ASB15: variants seen among roughly 807,000 people sequenced by gnomAD.
ASB15 encodes the protein ankyrin repeat and SOCS box protein 15.
ASB15 carries 54 observed loss-of-function variants against 58.0 expected under a neutral mutation model. That is an observed-to-expected ratio of 0.93 (90% confidence interval 0.75 to 1.17). ASB15 has a LOEUF of 1.17. Ranked by LOEUF, ASB15 falls within the 50% of genes most tolerant of loss-of-function variation. ASB15 has a pLI of 0.00. For synonymous variants in ASB15, 249 were observed against 262.4 expected (o/e 0.95, Z 0.50); for missense variants, 680 against 707.4 (o/e 0.96, Z 0.44).
In ASB15 at chr7:123,637,004, TAAAAA is replaced by T; in HGVS notation, c.*27_*31del. 1 of 1,447,530 alleles carries T rather than the reference TAAAAA, an allele frequency of 6.9e-7. No individual in the cohort carries two copies. Among genetic ancestry groups the T allele is most frequent in the Non-Finnish European group, 9.5e-7 (1 of 1,054,064 alleles). 89.7% of individuals were successfully genotyped at this position (1,447,530 alleles called of 1,614,324 possible). A position where few individuals can be genotyped will look rare whatever the true frequency, so the allele number is the denominator to read the frequency against. The stretch of plus-strand genomic sequence containing the variant: ...TAACTTAATATTTTAAAATGTGATT[TAAAAA>T]AAATGTTGAAATGTGATTCCCTCAG... On this transcript the variant is annotated 3_prime_UTR_variant, in exon 12 of 12. Coordinates refer to ENST00000451215, the MANE Select transcript of ASB15 (RefSeq NM_001290258.2).
chr7:123,619,770 A>G (rs1229046224), intron 7 of ASB15, among the ~76,000 whole-genome samples: 1 of 151,970 alleles, frequency 6.6e-6, no homozygotes, highest in Non-Finnish European at 1.5e-5. Flanking sequence ...TGATCAGCCC[A>G]CCTCAGCCTC....
In ASB15 at chr7:123,604,152, C is replaced by T. The variant is rs1800019775; in HGVS notation, c.-124C>T. ...CTTCCTGGGGGATATTAACAGGGCT[C>T]CTGTGTTGCAGAGGAACACTACTTT... On this transcript the variant is annotated 5_prime_UTR_variant, in exon 2 of 12. Coordinates refer to ENST00000451215, the MANE Select transcript of ASB15 (RefSeq NM_001290258.2). 6.6e-6 allele frequency: 1 copy of T among 152,128 alleles called. No homozygotes were observed. The highest frequency in any genetic ancestry group is 2.1e-4 in the South Asian group (1 of 4,818). The allele number at this position is 152,128 out of a possible 1,614,324, so 9.4% of individuals were successfully genotyped here. A position where few individuals can be genotyped will look rare whatever the true frequency, so the allele number is the denominator to read the frequency against.
chr7:123,614,298 G>C lies in ASB15; in HGVS notation c.-2-203G>C, dbSNP rs1584777762. 7 of 468,546 alleles carry C rather than the reference G, an allele frequency of 1.5e-5. No individual in the cohort carries two copies. The East Asian group carries it at 2.7e-4, about 18-fold the overall frequency. The allele number at this position is 468,546 out of a possible 1,614,324, so 29.0% of individuals were successfully genotyped here. A position where few individuals can be genotyped will look rare whatever the true frequency, so the allele number is the denominator to read the frequency against. ...ATGCTCAAAGGGCAGGTCATTAAAG[G>C]TTTCAACAGTTAGACCATTTAAGTT... On this transcript the variant is annotated intron_variant, in intron 3 of 11. Coordinates refer to ENST00000451215, the MANE Select transcript of ASB15 (RefSeq NM_001290258.2).
intron 3 of ASB15, chr7:123,612,227 C>A (rs941868281): frequency 6.6e-6 from 1 of 152,190 alleles, no homozygotes; most frequent in Non-Finnish European, 1.5e-5. Context: ...TGCTGGCTGA[C>A]AGATTCAGTA....
At chr7:123,576,388 A>C (rs976315549) in intron 1 of ASB15, among the ~76,000 whole-genome samples, 1 of 151,864 alleles carries the variant, frequency 6.6e-6, no homozygotes, top group South Asian at 2.1e-4. Context: ...CATAATTTTC[A>C]TCTGTTCAAT....
At chr7:123,611,757 C>T (rs1800475328) in intron 3 of ASB15, among the ~76,000 whole-genome samples, 1 of 152,026 alleles carries the variant, frequency 6.6e-6, no homozygotes, top group Non-Finnish European at 1.5e-5. Flanking sequence ...GTCTTTAAGT[C>T]CATTCCAGTA....
intron 2 of ASB15, among the ~76,000 whole-genome samples, chr7:123,606,878 T>G (rs1200871415): frequency 6.6e-6 from 1 of 152,224 alleles, no homozygotes; most frequent in Non-Finnish European, 1.5e-5. Flanking sequence ...TGTTTCTATA[T>G]CTTGGCTGCC....
At chr7:123,578,642 T>C (rs1799137359) in intron 1 of ASB15, among the ~76,000 whole-genome samples, 1 of 152,098 alleles carries the variant, frequency 6.6e-6, no homozygotes, top group South Asian at 2.1e-4. Flanking sequence ...ATATCTGAGC[T>C]AATGAGAGAG....
chr7:123,593,791 C>T (rs560963486), intron 1 of ASB15, among the ~76,000 whole-genome samples: 2 of 152,110 alleles, frequency 1.3e-5, no homozygotes, highest in Admixed American at 6.5e-5. Context: ...AGCTTTGTGG[C>T]GTTCTCTGTA....
intron 1 of ASB15, among the ~76,000 whole-genome samples, chr7:123,580,439 C>T (rs1799194866): frequency 2.0e-5 from 3 of 152,018 alleles, no homozygotes; most frequent in South Asian, 2.1e-4. Context: ...AGCCACTTGA[C>T]CAAAAACTGC....
intron 1 of ASB15, among the ~76,000 whole-genome samples, chr7:123,575,646 T>G (rs1799043009): frequency 2.0e-5 from 3 of 152,088 alleles, no homozygotes; most frequent in African/African-American, 7.2e-5. Flanking sequence ...GTTGTAACAA[T>G]ATGTTTGTAA....
At chr7:123,601,552 T>C (rs1465484669), upstream of ASB15, among the ~76,000 whole-genome samples, 1 of 152,194 alleles carries the variant, frequency 6.6e-6, no homozygotes, top group African/African-American at 2.4e-5. Flanking sequence ...CAAATACCTT[T>C]AAATTGTGCG....
intron 1 of ASB15, among the ~76,000 whole-genome samples, chr7:123,583,677 G>A (rs1263943578): frequency 6.6e-6 from 1 of 151,924 alleles, no homozygotes; most frequent in Non-Finnish European, 1.5e-5. Flanking sequence ...CAGGAAAGAG[G>A]AGTAACATTC....
At chr7:123,602,282 A>G (rs566817682) in intron 1 of ASB15, among the ~76,000 whole-genome samples, 1 of 152,190 alleles carries the variant, frequency 6.6e-6, no homozygotes, top group African/African-American at 2.4e-5. Flanking sequence ...TTTGTGAATA[A>G]ATAAAATAAA....
intron 11 of ASB15, among the ~76,000 whole-genome samples, chr7:123,635,175 C>T (rs1802353001): frequency 6.6e-6 from 1 of 152,084 alleles, no homozygotes; most frequent in African/African-American, 2.4e-5. Flanking sequence ...AAGTGATTAC[C>T]ATTCAGAATA....
chr7:123,570,822 C>A (rs1156472409), intron 1 of ASB15, among the ~76,000 whole-genome samples: 1 of 152,110 alleles, frequency 6.6e-6, no homozygotes, highest in Non-Finnish European at 1.5e-5. Context: ...TTATATAGTT[C>A]TTTTTCTAAC....
upstream of ASB15, chr7:123,598,769 C>T (rs1317936780): frequency 6.6e-6 from 1 of 152,174 alleles, no homozygotes; most frequent in African/African-American, 2.4e-5. Context: ...TATAGTGCTA[C>T]CTTACTAAAA....
At chr7:123,624,978 C>G in intron 8 of ASB15, 164 bp downstream of exon 8, 1 of 779,510 alleles carries the variant, frequency 1.3e-6, no homozygotes, top group East Asian at 2.8e-5. Flanking sequence ...TCAGTAGACC[C>G]TTATTCTACA....
At chr7:123,628,600 G>C (rs1238036181) in intron 9 of ASB15, among the ~76,000 whole-genome samples, 1 of 152,090 alleles carries the variant, frequency 6.6e-6, no homozygotes, top group Non-Finnish European at 1.5e-5. Flanking sequence ...GTGTTCTTGA[G>C]GAACTACAAT....
Sources: gnomAD v4.1 joint callset for allele counts (sites outside exome capture counted in the v4.1 genomes callset) on GRCh38, gnomAD v4.1.1 for gene constraint, MANE v1.5 for transcripts, NCBI Gene and HGNC (gene_info 2026-07-23, HGNC 2026-07-21) for gene names.